Variants in ASXL2 observed in about 807,000 individuals in gnomAD.
ASXL2 encodes putative Polycomb group protein ASXL2.
In ASXL2, 23 loss-of-function variants were observed where a neutral mutation model predicts 122.0. The ratio of observed to expected loss-of-function variants is 0.19; its 90% CI spans 0.14 to 0.27. The LOEUF (loss-of-function observed/expected upper bound fraction) is 0.27, where lower values mean the gene tolerates loss of function less well. Ranked by LOEUF, ASXL2 falls within the 10% of genes least tolerant of loss-of-function variation. The probability of loss-of-function intolerance (pLI) is 1.00; values close to 1 mark genes in which losing one functional copy is unlikely to be tolerated. For synonymous variants in ASXL2, 650 were observed against 637.0 expected (o/e 1.02, Z -0.31); for missense variants, 1,518 against 1,713.8 (o/e 0.89, Z 2.02).
chr2:25,877,875 G>A (rs1451144776), intron 1 of ASXL2, among the ~76,000 whole-genome samples: 1 of 152,200 alleles, frequency 6.6e-6, no homozygotes, highest in African/African-American at 2.4e-5. Context: ...CCGGGGCGAG[G>A]GCTACCACAG....
At chr2:25,877,958 G>C (rs913828848) in intron 1 of ASXL2, among the ~76,000 whole-genome samples, 2 of 152,180 alleles carry the variant, frequency 1.3e-5, no homozygotes, top group African/African-American at 4.8e-5. Flanking sequence ...AGACGCCGAG[G>C]GACGCCACGG....
intron 2 of ASXL2, among the ~76,000 whole-genome samples, chr2:25,837,069 A>G (rs1209952504): frequency 3.2e-5 from 2 of 62,684 alleles, no homozygotes; most frequent in East Asian, 9.2e-4. Context: ...AGGTTAAGGA[A>G]ACTCCAAAGG....
In ASXL2 at chr2:25,734,685, C is replaced by G. The variant is rs922165405; in HGVS notation, c.*7344G>C. 1 of 152,146 alleles carries G rather than the reference C, an allele frequency of 6.6e-6. No homozygotes were observed. The highest frequency in any genetic ancestry group is 2.4e-5 in the African/African-American group (1 of 41,450). The allele number at this position is 152,146 out of a possible 1,614,324, so 9.4% of individuals were successfully genotyped here. ...AATAAAAGTATTGACTCAAGTTGGT[C>G]TAATATAGTGTTTAGGAAGCCAAGT... On this transcript the variant is annotated 3_prime_UTR_variant, in exon 13 of 13. Transcript: ENST00000435504.
Position 25,734,560 on chromosome 2 carries a change from G to T in ASXL2, c.*7469C>A, listed in dbSNP as rs764932405. On this transcript the variant is annotated 3_prime_UTR_variant, in exon 13 of 13. Transcript: ENST00000435504. ...AAAGACATAAGCTTTGTGTAAAATA[G>T]TTCTAAAGTATCTTCAGATATTTTG... The T allele has an allele frequency of 6.6e-6, 1 of 152,142 alleles. No homozygotes were observed. The highest frequency in any genetic ancestry group is 1.5e-5 in the Non-Finnish European group (1 of 68,002). 9.4% of individuals were successfully genotyped at this position (152,142 alleles called of 1,614,324 possible).
chr2:25,789,722 C>A (rs940301010), intron 5 of ASXL2, among the ~76,000 whole-genome samples: 1 of 152,118 alleles, frequency 6.6e-6, no homozygotes, highest in Admixed American at 6.5e-5. Flanking sequence ...ATTTGGGATG[C>A]CCAACCCAAA....
At chr2:25,857,275 CG>C (rs1360973608) in intron 1 of ASXL2, among the ~76,000 whole-genome samples, 1 of 152,042 alleles carries the variant, frequency 6.6e-6, no homozygotes, top group Non-Finnish European at 1.5e-5. Context: ...GGAAGTGACA[CG>C]TATTACTTCT....
rs748727475 is a variant in ASXL2 at position 25,749,739 on chromosome 2, T to A, written c.1817A>T (p.Asn606Ile). The A allele has an allele frequency of 3.2e-6, 5 of 1,555,940 alleles. No homozygotes were observed. The highest frequency in any genetic ancestry group is 1.3e-5 in the South Asian group (1 of 79,714). The change falls in exon 12 of 13, where the codon AAT becomes ATT. Residue 606 changes from asparagine to isoleucine, a missense_variant. Physicochemically the swap from Asn to Ile is moderately radical, Grantham distance 149. Around this residue, in one of 8 missense-constraint regions of ASXL2, gnomAD observed 292 missense variants for 293.5 expected, o/e 1.00. Transcript: ENST00000435504. ...TCGCACCTGGATTCTGTCCCCTCTA[T>A]TGAGAAAGGGCTGTGGTGAGACCTG... is the stretch of plus-strand genomic sequence containing the variant. Reference protein sequence around the residue: ...PFQVSPQPFLNRGDRIQVRKV... With the variant: ...PFQVSPQPFLIRGDRIQVRKV...
At chr2:25,863,911 C>A (rs924049348) in intron 1 of ASXL2, among the ~76,000 whole-genome samples, 2 of 150,646 alleles carry the variant, frequency 1.3e-5, no homozygotes, top group African/African-American at 2.5e-5. Context: ...AAGGCTGAGG[C>A]AGGACAACTG....
intron 3 of ASXL2, among the ~76,000 whole-genome samples, chr2:25,823,156 G>A (rs1216695314): frequency 3.3e-5 from 5 of 152,100 alleles, no homozygotes; most frequent in Non-Finnish European, 7.4e-5. Flanking sequence ...AGTCAGCTAA[G>A]GCAATAACCT....
chr2:25,766,112 C>T (rs185593910), intron 8 of ASXL2, among the ~76,000 whole-genome samples: 1 of 152,232 alleles, frequency 6.6e-6, no homozygotes, highest in African/African-American at 2.4e-5. Context: ...CACTGCTGCA[C>T]TTTTAGTTTC....
intron 2 of ASXL2, 33 bp from the exon 3 acceptor site, chr2:25,835,573 GA>G: frequency 3.9e-6 from 1 of 258,716 alleles, no homozygotes; most frequent in South Asian, 3.4e-5. Flanking sequence ...GAAAATGAAA[GA>G]AGGAAAAAAA....
chr2:25,753,464 T>TG, intron 11 of ASXL2, 70 bp downstream of exon 11: 2 of 1,031,150 alleles, frequency 1.9e-6, no homozygotes, highest in Non-Finnish European at 2.7e-6. Flanking sequence ...GAGAAGGTAA[T>TG]GAGATAAAGC....
chr2:25,781,307 G>C (rs76516884), intron 5 of ASXL2, among the ~76,000 whole-genome samples: 22 of 152,156 alleles, frequency 1.4e-4, no homozygotes, highest in Non-Finnish European at 2.9e-4. Flanking sequence ...GTCGCAGGAG[G>C]AGAATCGTTT....
chr2:25,762,236 A>G (rs2149148653), intron 8 of ASXL2, among the ~76,000 whole-genome samples: 1 of 151,560 alleles, frequency 6.6e-6, no homozygotes, highest in East Asian at 1.9e-4. Context: ...ATCACTAACC[A>G]CTAAAAGAGA....
chr2:25,766,346 TCTTA>T (rs2088350445), intron 8 of ASXL2, among the ~76,000 whole-genome samples: 1 of 152,198 alleles, frequency 6.6e-6, no homozygotes, highest in Non-Finnish European at 1.5e-5. Context: ...TAAATAATGT[TCTTA>T]TATTGTTTTT....
At chr2:25,872,928 G>T (rs897154589) in intron 1 of ASXL2, among the ~76,000 whole-genome samples, 2 of 151,936 alleles carry the variant, frequency 1.3e-5, no homozygotes, top group African/African-American at 2.4e-5. Flanking sequence ...TTGGGAGGTT[G>T]TAAGTTCTTT....
intron 1 of ASXL2, among the ~76,000 whole-genome samples, chr2:25,861,196 A>G (rs1314262552): frequency 6.6e-6 from 1 of 152,228 alleles, no homozygotes; most frequent in Non-Finnish European, 1.5e-5. Flanking sequence ...CTTCCTGGAA[A>G]GACCAATAAA....
chr2:25,842,758 G>A (rs956356744), intron 2 of ASXL2, among the ~76,000 whole-genome samples: 1 of 147,048 alleles, frequency 6.8e-6, no homozygotes, highest in African/African-American at 2.5e-5. Context: ...GTATGTGTGT[G>A]CGTGTGTGCA....
At chr2:25,867,334 G>C (rs2089917737) in intron 1 of ASXL2, among the ~76,000 whole-genome samples, 1 of 152,196 alleles carries the variant, frequency 6.6e-6, no homozygotes, top group Non-Finnish European at 1.5e-5. Flanking sequence ...AAGGCCAGGT[G>C]CAGAGGCTCA....
Sources: gnomAD v4.1 joint callset for allele counts (sites outside exome capture counted in the v4.1 genomes callset) on GRCh38, gnomAD v4.1.1 for gene constraint, gnomAD v4.1.1 regional missense constraint, MANE v1.5 for transcripts, NCBI Gene and HGNC (gene_info 2026-07-23, HGNC 2026-07-21) for gene names.